The following IDE variants were observed in gnomAD, a reference collection of about 807,000 sequenced individuals.
IDE encodes insulin degrading enzyme, also known as insulin-degrading enzyme.
A neutral mutation model predicts 133.2 loss-of-function variants in IDE; 58 were observed. The ratio of observed to expected loss-of-function variants is 0.44; its 90% CI spans 0.35 to 0.54. The LOEUF is 0.54. Ranked by LOEUF, IDE falls within the 20% of genes least tolerant of loss-of-function variation. The pLI is 0.00. For missense variants in IDE, 981 were observed against 1,234.0 expected, an observed-to-expected ratio of 0.79 and a Z score of 3.07; for synonymous variants, 396 against 421.3, an observed-to-expected ratio of 0.94 and a Z score of 0.73.
At chr10:92,510,716 T>TCACATACATCTCACATGTATGAAATATAG (rs1564635386) in intron 5 of IDE, among the ~76,000 whole-genome samples, 3 of 148,802 alleles carry the variant, frequency 2.0e-5, no homozygotes, top group African/African-American at 7.6e-5. Flanking sequence ...ATGATATATA[T>TCACATACATCTCACATGTATGAAATATAG]CACATACATC....
Position 92,463,317 on chromosome 10 carries a change from A to G in IDE, c.2761+414T>C, listed in dbSNP as rs148372671. 3.8e-3 allele frequency among the ~76,000 whole-genome samples: 578 copies of G among 152,318 alleles called. 6 individuals are homozygous for G. Among genetic ancestry groups the G allele is most frequent in the African/African-American group, 0.013 (542 of 41,572 alleles). ...GAGTGAAAAATCTTTGGAGATCCCT[A>G]CAGGCAAATGTTTGAACTCCTGTGC... On this transcript the variant is annotated intron_variant, in intron 21 of 24. Transcript: ENST00000265986.
At chr10:92,573,005 C>A (rs1843864064) in intron 1 of IDE, 1 of 985,134 alleles carries the variant, frequency 1.0e-6, no homozygotes, top group South Asian at 4.7e-5. Context: ...CATAGAGGGT[C>A]CAGCACAGTG....
At chr10:92,551,969 A>G (rs1393879679) in intron 1 of IDE, among the ~76,000 whole-genome samples, 1 of 152,172 alleles carries the variant, frequency 6.6e-6, no homozygotes. Context: ...GACCCCATCT[A>G]TACACACACA....
At chr10:92,470,435 T>C (rs1845906199) in intron 17 of IDE, 90 bp from the exon 18 acceptor site, 1 of 713,210 alleles carries the variant, frequency 1.4e-6, no homozygotes, top group East Asian at 2.7e-5. Flanking sequence ...CTTGCAAAAA[T>C]AGTACACAGA....
intron 19 of IDE, among the ~76,000 whole-genome samples, chr10:92,466,819 T>C (rs1845717892): frequency 1.3e-5 from 2 of 151,796 alleles, no homozygotes; most frequent in South Asian, 2.1e-4. Flanking sequence ...GGTTTCACCA[T>C]GTTGGCCAGG....
intron 24 of IDE, 72 bp from the exon 25 acceptor site, chr10:92,454,611 C>T (rs532348537): frequency 5.1e-5 from 56 of 1,091,712 alleles, no homozygotes; most frequent in African/African-American, 1.5e-4. Flanking sequence ...CTTTTTTTGG[C>T]GGACACTGGG....
At chr10:92,524,871 C>T (rs1849540865) in intron 4 of IDE, among the ~76,000 whole-genome samples, 1 of 151,960 alleles carries the variant, frequency 6.6e-6, no homozygotes, top group Admixed American at 6.6e-5. Flanking sequence ...GCCGAGATGG[C>T]ACCACTGTAC....
chr10:92,554,982 G>A (rs932791087), intron 1 of IDE: 2 of 152,078 alleles, frequency 1.3e-5, no homozygotes, highest in Non-Finnish European at 2.9e-5. Flanking sequence ...AGCCTTTCAC[G>A]GTAAAAACTC....
At chr10:92,549,844 T>C (rs954358968) in intron 1 of IDE, among the ~76,000 whole-genome samples, 2 of 152,070 alleles carry the variant, frequency 1.3e-5, no homozygotes, top group Non-Finnish European at 2.9e-5. Flanking sequence ...ATAGAAGAGC[T>C]AGGATTCAAA....
chr10:92,488,932 T>TAA (rs56377277), intron 12 of IDE, among the ~76,000 whole-genome samples: 31,237 of 78,062 alleles, frequency 0.4, 6,618 homozygotes, highest in East Asian at 0.68. Context: ...TTTCATTATT[T>TAA]AAAAAAAAAA....
At chr10:92,532,282 AGAG>A (rs1467903687) in intron 3 of IDE, among the ~76,000 whole-genome samples, 4 of 149,078 alleles carry the variant, frequency 2.7e-5, no homozygotes, top group African/African-American at 1.0e-4. Context: ...AAAAAAAAAA[AGAG>A]AAAGAAAGAA....
At chr10:92,470,387 G>A in intron 17 of IDE, 42 bp from the exon 18 acceptor site, 5 of 1,320,496 alleles carry the variant, frequency 3.8e-6, no homozygotes, top group Non-Finnish European at 5.3e-6. Flanking sequence ...TACCTATGAG[G>A]GATTTTTTGT....
At chr10:92,529,366 A>G (rs1849793279) in intron 4 of IDE, among the ~76,000 whole-genome samples, 1 of 152,240 alleles carries the variant, frequency 6.6e-6, no homozygotes, top group Admixed American at 6.5e-5. Context: ...TCAGAAGGTA[A>G]CTTGACATTT....
At chr10:92,457,340 T>TA (rs1055984243) in intron 22 of IDE, among the ~76,000 whole-genome samples, 36 of 152,328 alleles carry the variant, frequency 2.4e-4, no homozygotes, top group African/African-American at 7.9e-4. Context: ...TCAGCTCACT[T>TA]AATTCTCTGT....
At chr10:92,494,190 T>C (rs1847545233) in intron 11 of IDE, among the ~76,000 whole-genome samples, 1 of 151,550 alleles carries the variant, frequency 6.6e-6, no homozygotes, top group Non-Finnish European at 1.5e-5. Flanking sequence ...GTCTCTCAAG[T>C]AGCTGGGACT....
Position 92,504,796 on chromosome 10 carries a change from G to A in IDE, c.1428C>T (p.Val476=). ...GTAAAATCTGTATGGTGACTCACCG[G>A]ACATTTTCTGGTCTGAGTTTATCGA... ...MVLDKLRPEN[V]RVAIVSKSFE... Residue 476 remains valine (V), a splice_region_variant and synonymous_variant, in exon 11 of 25, where the codon GTC becomes GTT. Transcript: ENST00000265986. The A allele has an allele frequency of 6.6e-7, 1 of 1,525,322 alleles. No individual in the cohort carries two copies. The highest frequency in any genetic ancestry group is 9.1e-7 in the Non-Finnish European group (1 of 1,103,438). The allele number at this position is 1,525,322 out of a possible 1,614,324, so 94.5% of individuals were successfully genotyped here.
intron 11 of IDE, among the ~76,000 whole-genome samples, chr10:92,495,900 AG>A (rs1189111990): frequency 6.6e-6 from 1 of 151,286 alleles, no homozygotes; most frequent in Non-Finnish European, 1.5e-5. Context: ...TTTTTGAGAC[AG>A]GGTTGCTCTA....
At position 92,558,060 on chromosome 10, in the gene IDE, C is replaced by T. The variant is rs144119934; in HGVS notation, c.98+15862G>A. On this transcript the variant is annotated intron_variant, in intron 1 of 24. Coordinates refer to ENST00000265986, the MANE Select transcript of IDE (RefSeq NM_004969.4). Reference sequence around the variant, plus strand: ...ACAGCTAAATAATTAAACAATACAACCTTTTTTTTGAGATAGTGTTTTGCT... The same window carrying T: ...ACAGCTAAATAATTAAACAATACAATCTTTTTTTTGAGATAGTGTTTTGCT... Among the ~76,000 whole-genome samples the T allele has an allele frequency of 1.6e-3, 246 of 152,048 alleles. 1 individual carries two copies. Among genetic ancestry groups the T allele is most frequent in the African/African-American group, 5.8e-3 (240 of 41,466 alleles).
chr10:92,552,965 C>G (rs1842858324), intron 1 of IDE, among the ~76,000 whole-genome samples: 1 of 150,022 alleles, frequency 6.7e-6, no homozygotes. Flanking sequence ...AAACAATACT[C>G]TAAAAAAGAT....
Sources: allele counts gnomAD v4.1 joint callset (sites outside exome capture counted in the v4.1 genomes callset), GRCh38; gene constraint gnomAD v4.1.1; transcripts MANE v1.5; gene names NCBI Gene and HGNC (gene_info 2026-07-23, HGNC 2026-07-21).